TUSC3: variants seen among roughly 807,000 people sequenced by gnomAD.
TUSC3 encodes the protein dolichyl-diphosphooligosaccharide--protein glycosyltransferase subunit TUSC3.
Under a neutral mutation model 44.8 loss-of-function variants are expected in TUSC3, and 45 were observed. That is an observed-to-expected ratio of 1.00 (90% confidence interval 0.79 to 1.29). The LOEUF is 1.29. TUSC3 is among the 50% of genes most tolerant of loss of function. The pLI is 0.00. For missense variants in TUSC3, 519 were observed against 437.9 expected (o/e 1.19, Z -1.65); for synonymous variants, 212 against 152.9 (o/e 1.39, Z -2.85).
At chr8:15,768,599 T>C (rs1012789627), downstream of TUSC3, among the ~76,000 whole-genome samples, 13 of 152,128 alleles carry the variant, frequency 8.5e-5, no homozygotes, top group Non-Finnish European at 1.5e-4. Context: ...AAATAAAGAA[T>C]ATCAGTAAAG....
chr8:15,801,006 G>C, the TUSC3 span, among the ~76,000 whole-genome samples: 17 of 152,200 alleles, frequency 1.1e-4, no homozygotes, highest in South Asian at 1.5e-3. Context: ...AAGGGGTCCC[G>C]ATCCAGATCC....
intron 1 of TUSC3, among the ~76,000 whole-genome samples, chr8:15,460,170 C>T (rs915722625): frequency 1.3e-5 from 2 of 152,048 alleles, no homozygotes; most frequent in Non-Finnish European, 2.9e-5. Context: ...TAGAAGTGTT[C>T]CCTGATCTCT....
intron 1 of TUSC3, among the ~76,000 whole-genome samples, chr8:15,446,219 C>T (rs1229726283): frequency 6.6e-6 from 1 of 151,050 alleles, no homozygotes; most frequent in East Asian, 2.0e-4. Flanking sequence ...GGTGGCCGGG[C>T]AGAGAGGCTC....
the TUSC3 span, among the ~76,000 whole-genome samples, chr8:15,840,609 T>C: frequency 6.6e-6 from 1 of 152,130 alleles, no homozygotes; most frequent in African/African-American, 2.4e-5. Context: ...TTCTGAAGTT[T>C]CTTAATTCCT....
intron 1 of TUSC3, among the ~76,000 whole-genome samples, chr8:15,480,784 C>T (rs1333622054): frequency 1.3e-5 from 2 of 152,148 alleles, no homozygotes; most frequent in African/African-American, 2.4e-5. Context: ...CCTCATTTAA[C>T]CTATTACCTA....
chr8:15,456,807 G>A (rs537055573), intron 1 of TUSC3, among the ~76,000 whole-genome samples: 3 of 152,116 alleles, frequency 2.0e-5, no homozygotes, highest in Admixed American at 6.5e-5. Flanking sequence ...AAAACTCAAC[G>A]ACAACTTGAA....
chr8:15,696,098 A>C (rs1809148358), intron 6 of TUSC3, among the ~76,000 whole-genome samples: 1 of 152,232 alleles, frequency 6.6e-6, no homozygotes, highest in African/African-American at 2.4e-5. Context: ...CAATGGGGAA[A>C]ATGTCTCCAG....
At chr8:15,611,788 C>G (rs1804772830) in intron 1 of TUSC3, among the ~76,000 whole-genome samples, 1 of 151,922 alleles carries the variant, frequency 6.6e-6, no homozygotes, top group African/African-American at 2.4e-5. Flanking sequence ...TTTTTTGGTT[C>G]CTAGAAGCAT....
intron 2 of TUSC3, among the ~76,000 whole-genome samples, chr8:15,511,803 G>A (rs1379044354): frequency 1.3e-5 from 2 of 151,760 alleles, no homozygotes; most frequent in East Asian, 1.9e-4. Context: ...CCTGGGAGGC[G>A]AACATTGCAG....
At chr8:15,553,512 A>G (rs146886814) in intron 1 of TUSC3, among the ~76,000 whole-genome samples, 67 of 101,238 alleles carry the variant, frequency 6.6e-4, no homozygotes, top group Non-Finnish European at 1.3e-3. Flanking sequence ...TTACAAGGAA[A>G]CACAGCAGAA....
At chr8:15,624,428 C>T (rs1375587850) in intron 2 of TUSC3, among the ~76,000 whole-genome samples, 1 of 152,160 alleles carries the variant, frequency 6.6e-6, no homozygotes, top group African/African-American at 2.4e-5. Flanking sequence ...TTTCACATTC[C>T]AGCCATCAGT....
intron 1 of TUSC3, among the ~76,000 whole-genome samples, chr8:15,554,188 A>C (rs75675141): frequency 6.6e-6 from 1 of 151,700 alleles, no homozygotes; most frequent in East Asian, 1.9e-4. Flanking sequence ...TATCATCACA[A>C]TGGTGATAAG....
At chr8:15,567,214 G>C (rs1367603677) in intron 1 of TUSC3, among the ~76,000 whole-genome samples, 1 of 152,056 alleles carries the variant, frequency 6.6e-6, no homozygotes, top group African/African-American at 2.4e-5. Flanking sequence ...AAACATTTCG[G>C]GGCAGTGGGG....
chr8:15,482,379 C>T (rs1248501178), intron 1 of TUSC3, among the ~76,000 whole-genome samples: 1 of 152,164 alleles, frequency 6.6e-6, no homozygotes, highest in African/African-American at 2.4e-5. Flanking sequence ...TGGTGAGTCT[C>T]TCCTAGAAGG....
chr8:15,737,908 A>AT (rs1811005208), intron 7 of TUSC3, among the ~76,000 whole-genome samples: 1 of 152,168 alleles, frequency 6.6e-6, no homozygotes, highest in African/African-American at 2.4e-5. Flanking sequence ...AATGGTAAGT[A>AT]TTATTCAGTC....
rs34091995 is a variant in TUSC3, at chr8:15,543,910, T to TTGTGTG, written c.138+3362_138+3367dup. 5.5e-3 allele frequency among the ~76,000 whole-genome samples: 822 copies of TTGTGTG among 148,916 alleles called. 6 individuals carry two copies. Among genetic ancestry groups the TTGTGTG allele is most frequent in the African/African-American group, 0.019 (784 of 40,682 alleles). On this transcript the variant is annotated intron_variant, in intron 1 of 10. Transcript: ENST00000503731. ...GAAGACTTGGTGATATCCCATGGAT[T>TTGTGTG]TGTGTGTGTGTGTGTGTGTGTGTGT...
the TUSC3 span, among the ~76,000 whole-genome samples, chr8:15,837,560 T>A: frequency 2.6e-5 from 4 of 152,102 alleles, no homozygotes; most frequent in African/African-American, 9.7e-5. Context: ...TCATCATTTG[T>A]GTTGCTTCTA....
At chr8:15,698,138 T>A (rs1809248781) in intron 6 of TUSC3, among the ~76,000 whole-genome samples, 1 of 152,210 alleles carries the variant, frequency 6.6e-6, no homozygotes, top group African/African-American at 2.4e-5. Context: ...TTGAAGTTTA[T>A]AATATTCAAA....
chr8:15,485,275 T>C (rs1171575002), intron 2 of TUSC3, among the ~76,000 whole-genome samples: 1 of 152,214 alleles, frequency 6.6e-6, no homozygotes, highest in Non-Finnish European at 1.5e-5. Context: ...ACTTCTTCTA[T>C]AATTCCACCT....
Sources: allele counts gnomAD v4.1 joint callset (sites outside exome capture counted in the v4.1 genomes callset), GRCh38; gene constraint gnomAD v4.1.1; transcripts MANE v1.5; gene names NCBI Gene and HGNC (gene_info 2026-07-23, HGNC 2026-07-21).